The following LSM12 variants were observed in gnomAD, a reference collection of about 807,000 sequenced individuals.
The protein encoded by LSM12 is LSM12 homolog.
For missense variants in LSM12, 108 were observed against 238.9 expected (o/e 0.45, Z 3.61); for synonymous variants, 74 against 87.3 (o/e 0.85, Z 0.85).
At chr17:44,038,070 C>A (rs7213895) in intron 3 of LSM12, among the ~76,000 whole-genome samples, 6,673 of 152,142 alleles carry the variant, frequency 0.044, 520 homozygotes, top group African/African-American at 0.15. Context: ...GAGAACAGGT[C>A]GGGCGCGGTG....
chr17:44,048,507 A>G (rs964734219), intron 2 of LSM12, among the ~76,000 whole-genome samples: 2 of 150,788 alleles, frequency 1.3e-5, no homozygotes, highest in South Asian at 2.1e-4. Flanking sequence ...AAAAGTAACC[A>G]TAAAAATTCA....
chr17:44,045,023 T>C (rs1393659720), intron 2 of LSM12, among the ~76,000 whole-genome samples: 2 of 152,208 alleles, frequency 1.3e-5, no homozygotes, highest in Admixed American at 6.6e-5. Context: ...AGATTACTTT[T>C]TAAAATCTAT....
intron 2 of LSM12, among the ~76,000 whole-genome samples, chr17:44,059,265 T>C (rs1346762852): frequency 6.6e-6 from 1 of 152,040 alleles, no homozygotes; most frequent in African/African-American, 2.4e-5. Context: ...AAACTATGAG[T>C]TCCTTGGGCT....
intron 2 of LSM12, among the ~76,000 whole-genome samples, chr17:44,057,619 C>G (rs956888760): frequency 6.6e-6 from 1 of 151,096 alleles, no homozygotes; most frequent in African/African-American, 2.4e-5. Flanking sequence ...AATTAGCCAG[C>G]TGTGGTGGCA....
chr17:44,051,033 G>C (rs556213573), intron 2 of LSM12, among the ~76,000 whole-genome samples: 1 of 152,246 alleles, frequency 6.6e-6, no homozygotes, highest in Admixed American at 6.5e-5. Context: ...CAACACTTTG[G>C]GAGGCTGAGG....
intron 3 of LSM12, among the ~76,000 whole-genome samples, chr17:44,038,959 TGTGGGGTGGGGGGAGGCGGG>T (rs1485093266): frequency 6.6e-6 from 1 of 151,096 alleles, no homozygotes; most frequent in Non-Finnish European, 1.5e-5. Flanking sequence ...CAGATGGCAG[TGTGGGGTGGGGGGAGGCGGG>T]GTGGAGAGGG....
At chr17:44,058,154 G>A (rs953370361) in intron 2 of LSM12, among the ~76,000 whole-genome samples, 5 of 151,226 alleles carry the variant, frequency 3.3e-5, no homozygotes, top group African/African-American at 7.3e-5. Flanking sequence ...GGAGAATGGC[G>A]TGAACCCAGG....
intron 2 of LSM12, among the ~76,000 whole-genome samples, chr17:44,060,288 T>C (rs1450719959): frequency 6.6e-6 from 1 of 152,232 alleles, no homozygotes; most frequent in Non-Finnish European, 1.5e-5. Flanking sequence ...TTCCATATGC[T>C]TAAATGATCC....
rs372999767 is a variant in LSM12 at position 44,058,419 on chromosome 17, G to A, written c.258+5382C>T. 2.6e-5 allele frequency among the ~76,000 whole-genome samples: 4 copies of A among 151,992 alleles called. No homozygotes were observed. In the East Asian group the frequency reaches 5.8e-4, roughly 22 times the overall value. ...TTTCTTTACTTAGAAACGTTACCTA[G>A]GGGCTGGGCCAGTGGCTCATACCTG... On this transcript the variant is annotated intron_variant, in intron 2 of 4. Transcript: ENST00000293406.
chr17:44,055,870 C>A (rs964223087), intron 2 of LSM12, among the ~76,000 whole-genome samples: 21 of 151,372 alleles, frequency 1.4e-4, no homozygotes, highest in Non-Finnish European at 1.6e-4. Flanking sequence ...TTGGGTTTAA[C>A]CCTCAAATCA....
intron 4 of LSM12, 139 bp downstream of exon 4, chr17:44,037,273 G>A (rs545016617): frequency 7.0e-5 from 73 of 1,046,544 alleles, no homozygotes; most frequent in Non-Finnish European, 3.8e-5. Context: ...CACAGTACAG[G>A]GAAGGCAGGG....
chr17:44,048,505 C>T (rs1451653085), intron 2 of LSM12, among the ~76,000 whole-genome samples: 1 of 145,594 alleles, frequency 6.9e-6, no homozygotes, highest in Non-Finnish European at 1.5e-5. Flanking sequence ...AAAAAAGTAA[C>T]CATAAAAATT....
rs533911651 is a variant in LSM12, at chr17:44,063,907, T to C, written c.152A>G (p.Asn51Ser). 7 of 1,613,472 alleles carry C rather than the reference T, an allele frequency of 4.3e-6. No homozygotes were observed. The highest frequency in any genetic ancestry group is 3.3e-5 in the Admixed American group (2 of 59,798). ...GTTTATGAGCAAGATGTCTGCATGGTTGGGCTTTCCACTGGAAGAGGGACA... is the reference window on the plus strand; with the variant it reads ...GTTTATGAGCAAGATGTCTGCATGGCTGGGCTTTCCACTGGAAGAGGGACA... ...LKCPSSSGKP[N>S]HADILLINLQ... Residue 51 changes from asparagine (N) to serine (S), a missense_variant, in exon 2 of 5, where the codon AAC (asparagine) becomes AGC (serine). Coordinates refer to ENST00000293406, the MANE Select transcript of LSM12 (RefSeq NM_001371445.1).
chr17:44,064,301 T>C (rs1052263716), intron 1 of LSM12, among the ~76,000 whole-genome samples: 1 of 152,224 alleles, frequency 6.6e-6, no homozygotes, highest in African/African-American at 2.4e-5. Context: ...AGATGTGAGC[T>C]TTCCCATTTT....
chr17:44,044,040 T>C (rs1393562829), intron 2 of LSM12, among the ~76,000 whole-genome samples: 1 of 152,142 alleles, frequency 6.6e-6, no homozygotes, highest in East Asian at 1.9e-4. Flanking sequence ...GACTAGATAG[T>C]CTGAACGTTC....
Position 44,063,853 on chromosome 17 carries a change from A to T in LSM12, c.206T>A (p.Ile69Asn). 1.2e-6 allele frequency: 2 copies of T among 1,614,054 alleles called. No homozygotes were observed. The highest frequency in any genetic ancestry group is 1.7e-6 in the Non-Finnish European group (2 of 1,180,006). Residue 69 changes from isoleucine to asparagine, a missense_variant, in exon 2 of 5, where the codon ATT (isoleucine) becomes AAT (asparagine). Coordinates refer to ENST00000293406, the MANE Select transcript of LSM12 (RefSeq NM_001371445.1). ...AGGAGGGGTTTCTGTTCGGTCATTA[A>T]TTATTTCCACTTCTGAAACATACTG... ...NLQYVSEVEIINDRTETPPPL... is the reference protein window; with the variant it reads ...NLQYVSEVEINNDRTETPPPL...
At chr17:44,057,939 A>G (rs1391243857) in intron 2 of LSM12, among the ~76,000 whole-genome samples, 4 of 101,184 alleles carry the variant, frequency 4.0e-5, no homozygotes, top group Non-Finnish European at 1.0e-4. Context: ...TTAGTTAGCT[A>G]CAATAAAAAA....
intron 3 of LSM12, among the ~76,000 whole-genome samples, chr17:44,038,942 A>G (rs961488449): frequency 4.0e-5 from 6 of 151,620 alleles, no homozygotes; most frequent in African/African-American, 7.2e-5. Context: ...GTGGTTAAAC[A>G]GAGTAACAGA....
intron 2 of LSM12, among the ~76,000 whole-genome samples, chr17:44,050,934 A>G (rs1035573500): frequency 6.6e-6 from 1 of 151,908 alleles, no homozygotes; most frequent in Non-Finnish European, 1.5e-5. Flanking sequence ...GGGGTTTGAG[A>G]CCAGCCTGGG....
Sources: allele counts gnomAD v4.1 joint callset (sites outside exome capture counted in the v4.1 genomes callset), GRCh38; gene constraint gnomAD v4.1.1; transcripts MANE v1.5; gene names NCBI Gene and HGNC (gene_info 2026-07-23, HGNC 2026-07-21).